DENND4C: variants seen among roughly 807,000 people sequenced by gnomAD.
The protein encoded by DENND4C is DENN domain containing 4C.
DENND4C carries 108 observed loss-of-function variants against 203.0 expected under a neutral mutation model. The ratio of observed to expected loss-of-function variants is 0.53; its 90% CI spans 0.46 to 0.62. The LOEUF (loss-of-function observed/expected upper bound fraction) is 0.62. Among genes scored for constraint, DENND4C ranks in the 20% least tolerant of loss-of-function variants. DENND4C has a pLI of 0.00. For synonymous variants in DENND4C, 871 were observed against 792.4 expected (o/e 1.10, Z -1.67); for missense variants, 2,481 against 2,301.2 (o/e 1.08, Z -1.60).
chr9:19,260,598 A>T (rs974038617), intron 1 of DENND4C, among the ~76,000 whole-genome samples: 4 of 152,024 alleles, frequency 2.6e-5, no homozygotes, highest in African/African-American at 9.7e-5. Flanking sequence ...GGGTTTCATT[A>T]TGTTGGCCAG....
intron 19 of DENND4C, 52 bp from the exon 20 acceptor site, chr9:19,336,634 T>G (rs1458154191): frequency 1.3e-6 from 2 of 1,515,326 alleles, no homozygotes; most frequent in Non-Finnish European, 1.8e-6. Context: ...ATGTTTAGTT[T>G]AAGAGATTAT....
At chr9:19,265,064 G>A (rs1374781382) in intron 1 of DENND4C, among the ~76,000 whole-genome samples, 1 of 152,090 alleles carries the variant, frequency 6.6e-6, no homozygotes, top group African/African-American at 2.4e-5. Flanking sequence ...CACCCAGGCA[G>A]GAGTGCAGTG....
intron 12 of DENND4C, among the ~76,000 whole-genome samples, chr9:19,321,282 G>C (rs140222101): frequency 2.6e-5 from 4 of 152,194 alleles, no homozygotes; most frequent in South Asian, 4.1e-4. Context: ...ATTGATGATA[G>C]TGTGAATAGA....
chr9:19,308,968 GT>G (rs1303996697), intron 10 of DENND4C, among the ~76,000 whole-genome samples: 1 of 152,144 alleles, frequency 6.6e-6, no homozygotes, highest in Non-Finnish European at 1.5e-5. Flanking sequence ...AAAACATTAT[GT>G]TAAAAGACCT....
chr9:19,232,668 G>T (rs1820874625), intron 1 of DENND4C, among the ~76,000 whole-genome samples: 1 of 152,192 alleles, frequency 6.6e-6, no homozygotes, highest in South Asian at 2.1e-4. Flanking sequence ...TAGTTGGAGT[G>T]TGGAGACTAT....
At chr9:19,341,209 T>TC (rs1821551877) in intron 21 of DENND4C, 95 bp downstream of exon 21, 13 of 1,075,438 alleles carry the variant, frequency 1.2e-5, no homozygotes, top group Non-Finnish European at 1.7e-5. Context: ...ATGATTATTT[T>TC]CACAAATGTA....
intron 2 of DENND4C, among the ~76,000 whole-genome samples, chr9:19,281,207 G>T (rs1274672373): frequency 6.6e-6 from 1 of 151,414 alleles, no homozygotes; most frequent in Non-Finnish European, 1.5e-5. Context: ...ATTGCAAGTG[G>T]CTTTTTCATA....
intron 1 of DENND4C, among the ~76,000 whole-genome samples, chr9:19,231,456 G>A (rs1438159001): frequency 6.6e-6 from 1 of 152,084 alleles, no homozygotes; most frequent in Non-Finnish European, 1.5e-5. Flanking sequence ...ACTCTGGAGT[G>A]ACTAAACACA....
In DENND4C at chr9:19,374,238, C is replaced by T. The variant is rs558529252; in HGVS notation, c.*2065C>T. Among the ~76,000 whole-genome samples, 41 of 152,092 alleles carry T rather than the reference C, an allele frequency of 2.7e-4. No homozygotes were observed. Among genetic ancestry groups the T allele is most frequent in the African/African-American group, 8.2e-4 (34 of 41,472 alleles). On this transcript the variant is annotated 3_prime_UTR_variant, in exon 33 of 33. Coordinates refer to ENST00000434457, the MANE Select transcript of DENND4C (RefSeq NM_001330640.2). ...GAACTCAAGTTTTCACTTACTGACG[C>T]GCTTCCCATTAAAAAAAATCTGTAA...
intron 1 of DENND4C, 106 bp downstream of exon 1, chr9:19,230,939 C>T (rs1010489260): frequency 6.6e-6 from 1 of 152,320 alleles, no homozygotes; most frequent in Non-Finnish European, 1.5e-5. Context: ...GCCCGGAGGG[C>T]TGAGTTCCGA....
chr9:19,341,061 C>G lies in DENND4C; in HGVS notation c.2951C>G (p.Pro984Arg). ...LIKDDAEIHVPEEQAARELIT... is the reference protein window; with the variant it reads ...LIKDDAEIHVREEQAARELIT... ...AAGGATGATGCAGAAATTCATGTGC[C>G]TGAAGAACAGGCAGCAAGAGAATTG... The change falls in exon 21 of 33, where the codon CCT (proline) becomes CGT (arginine). Residue 984 changes from proline (P) to arginine (R), a missense_variant. Coordinates refer to ENST00000434457, the MANE Select transcript of DENND4C (RefSeq NM_001330640.2). 1.2e-6 allele frequency: 2 copies of G among 1,613,004 alleles called. No homozygotes were observed. Among genetic ancestry groups the G allele is most frequent in the African/African-American group, 2.7e-5 (2 of 74,908 alleles).
rs1447525810 is a variant in DENND4C at position 19,356,810 on chromosome 9, A to AGAGAGAGAGAGAGAGAGAGAGAGAGAGT, written c.4782-155_4782-154insAGAGAGAGAGAGAGAGAGAGTGAGAGAG. ...GTGTGAGAGAGAGAGAGAGAGAGAG[A>AGAGAGAGAGAGAGAGAGAGAGAGAGAGT]GAGAGAGTGAGAGTGTATTGGAAAT... On this transcript the variant is annotated intron_variant, in intron 26 of 32. Coordinates refer to ENST00000434457, the MANE Select transcript of DENND4C (RefSeq NM_001330640.2). Among the ~76,000 whole-genome samples, 808 of 146,308 alleles carry AGAGAGAGAGAGAGAGAGAGAGAGAGAGT rather than the reference A, an allele frequency of 5.5e-3. 3 individuals are homozygous for AGAGAGAGAGAGAGAGAGAGAGAGAGAGT. The highest frequency in any genetic ancestry group is 8.2e-3 in the African/African-American group (315 of 38,234).
Position 19,316,474 on chromosome 9 carries a change from T to C in DENND4C, c.1545T>C (p.Asn515=). The C allele has an allele frequency of 2.5e-6, 4 of 1,613,912 alleles. No homozygotes were observed. The highest frequency in any genetic ancestry group is 3.4e-6 in the Non-Finnish European group (4 of 1,179,938). ...WKQLPKKPCK[N]LLSTLKKLYP... ...AACTTCCCAAAAAGCCGTGCAAAAA[T>C]CTACTTAGCACCTTAAAGAAATTGT... The change falls in exon 11 of 33, where the codon AAT becomes AAC. Residue 515 remains asparagine, a synonymous_variant. Coordinates refer to ENST00000434457, the MANE Select transcript of DENND4C (RefSeq NM_001330640.2).
intron 1 of DENND4C, among the ~76,000 whole-genome samples, chr9:19,272,808 C>T (rs947702985): frequency 6.6e-6 from 1 of 152,012 alleles, no homozygotes; most frequent in Non-Finnish European, 1.5e-5. Flanking sequence ...TGCTCTCTCG[C>T]CCAGGTTGGA....
chr9:19,321,792 A>G (rs1842922369), intron 12 of DENND4C, among the ~76,000 whole-genome samples: 1 of 149,050 alleles, frequency 6.7e-6, no homozygotes, highest in Admixed American at 6.8e-5. Context: ...AGATCACGCC[A>G]CTGAACGCCA....
intron 3 of DENND4C, among the ~76,000 whole-genome samples, chr9:19,288,210 G>C (rs528070808): frequency 5.1e-4 from 77 of 152,318 alleles, no homozygotes; most frequent in African/African-American, 1.8e-3. Context: ...AATGCACCCA[G>C]AACAATTAGT....
intron 22 of DENND4C, among the ~76,000 whole-genome samples, chr9:19,343,038 C>G (rs569580221): frequency 1.1e-4 from 16 of 152,292 alleles, no homozygotes; most frequent in African/African-American, 3.8e-4. Context: ...CGTTTGGCCA[C>G]TCTTTCTCAT....
chr9:19,330,357 T>TTTA (rs1818816537), intron 16 of DENND4C, among the ~76,000 whole-genome samples: 4 of 113,458 alleles, frequency 3.5e-5, no homozygotes, highest in Non-Finnish European at 7.2e-5. Flanking sequence ...TTTTTTTTTT[T>TTTA]AAGATGGAGT....
chr9:19,322,123 C>G (rs1842983465), intron 12 of DENND4C, among the ~76,000 whole-genome samples: 1 of 151,982 alleles, frequency 6.6e-6, no homozygotes, highest in Admixed American at 6.5e-5. Flanking sequence ...AGAGCGCATA[C>G]AAATTGGAAA....
Sources: gnomAD v4.1 joint callset for allele counts (sites outside exome capture counted in the v4.1 genomes callset) on GRCh38, gnomAD v4.1.1 for gene constraint, MANE v1.5 for transcripts, NCBI Gene and HGNC (gene_info 2026-07-23, HGNC 2026-07-21) for gene names.